The following MVB12B variants were observed in gnomAD, a reference collection of about 807,000 sequenced individuals.
MVB12B encodes the protein ESCRT-I complex subunit MVB12B.
Under a neutral mutation model 41.6 loss-of-function variants are expected in MVB12B, and 16 were observed. The ratio of observed to expected loss-of-function variants is 0.38; its 90% CI spans 0.26 to 0.58. The LOEUF (loss-of-function observed/expected upper bound fraction) is 0.58, where lower values mean the gene tolerates loss of function less well. Among genes scored for constraint, MVB12B ranks in the 20% least tolerant of loss-of-function variants. The probability of loss-of-function intolerance (pLI) is 0.62; values close to 1 mark genes in which losing one functional copy is unlikely to be tolerated. For synonymous variants in MVB12B, 133 were observed against 139.7 expected, an observed-to-expected ratio of 0.95 and a Z score of 0.34; for missense variants, 274 against 380.2, an observed-to-expected ratio of 0.72 and a Z score of 2.32.
At chr9:126,402,926 C>T (rs984255670) in intron 6 of MVB12B, among the ~76,000 whole-genome samples, 3 of 152,208 alleles carry the variant, frequency 2.0e-5, no homozygotes, top group African/African-American at 7.2e-5. Flanking sequence ...TGTGAATGAT[C>T]CCGCTGCGCA....
intron 2 of MVB12B, among the ~76,000 whole-genome samples, chr9:126,378,902 G>A (rs1227076146): frequency 1.3e-5 from 2 of 152,206 alleles, no homozygotes; most frequent in Non-Finnish European, 2.9e-5. Flanking sequence ...AGTTCTAGCA[G>A]TGTGGTGGGT....
intron 7 of MVB12B, among the ~76,000 whole-genome samples, chr9:126,463,467 C>T (rs920983499): frequency 6.6e-6 from 1 of 152,142 alleles, no homozygotes; most frequent in African/African-American, 2.4e-5. Flanking sequence ...AAGAGATGAC[C>T]TGGTTCGAAT....
intron 6 of MVB12B, chr9:126,397,673 A>G (rs973689726): frequency 1.0e-6 from 1 of 982,698 alleles, no homozygotes; most frequent in African/African-American, 1.7e-5. Context: ...TAGGATGCAC[A>G]CCTATGTAAG....
At chr9:126,435,813 G>A (rs1588170969) in intron 7 of MVB12B, among the ~76,000 whole-genome samples, 1 of 152,224 alleles carries the variant, frequency 6.6e-6, no homozygotes, top group South Asian at 2.1e-4. Context: ...TTTTCTCAGG[G>A]TTGGAGAGAG....
intron 2 of MVB12B, among the ~76,000 whole-genome samples, chr9:126,375,548 T>G (rs1263868397): frequency 6.6e-6 from 1 of 152,122 alleles, no homozygotes; most frequent in African/African-American, 2.4e-5. Context: ...TTCCTTTCCC[T>G]GTCTGGGCCT....
intron 9 of MVB12B, among the ~76,000 whole-genome samples, chr9:126,502,802 G>A (rs1403845195): frequency 6.6e-6 from 1 of 152,224 alleles, no homozygotes; most frequent in East Asian, 1.9e-4. Context: ...ACCAGCAGGG[G>A]CATGAAAACT....
chr9:126,399,454 A>T (rs573911155), intron 6 of MVB12B, among the ~76,000 whole-genome samples: 2 of 152,306 alleles, frequency 1.3e-5, no homozygotes, highest in South Asian at 4.1e-4. Flanking sequence ...AGCCTTGGGC[A>T]TGTGATCAGA....
chr9:126,341,044 A>C (rs1239444759), intron 2 of MVB12B, among the ~76,000 whole-genome samples: 1 of 152,194 alleles, frequency 6.6e-6, no homozygotes, highest in East Asian at 1.9e-4. Flanking sequence ...CCATGAACTC[A>C]TTTAGCTCTC....
rs1335133392 is a variant in MVB12B at position 126,478,647 on chromosome 9, A to AC, written c.758-2717dup. Among the ~76,000 whole-genome samples the AC allele has an allele frequency of 6.6e-6, 1 of 151,808 alleles. No homozygotes were observed. The highest frequency in any genetic ancestry group is 6.6e-5 in the Admixed American group (1 of 15,260). On this transcript the variant is annotated intron_variant, in intron 7 of 9. Transcript: ENST00000361171. The surrounding 1 kb of genome is among the most constrained non-coding windows in gnomAD (Gnocchi z 4.2). Reference sequence around the variant, plus strand: ...GCCAGGGCCTTCAATGCCAGTCGAGACCCCCATCTTGGAAATCCTGCCCTT... The same window carrying AC: ...GCCAGGGCCTTCAATGCCAGTCGAGACCCCCCATCTTGGAAATCCTGCCCTT...
At chr9:126,427,832 A>G (rs1017697710) in intron 7 of MVB12B, among the ~76,000 whole-genome samples, 2 of 152,184 alleles carry the variant, frequency 1.3e-5, no homozygotes, top group African/African-American at 4.8e-5. Flanking sequence ...TCATTTATCC[A>G]TCAGCATTAG....
intron 2 of MVB12B, among the ~76,000 whole-genome samples, chr9:126,378,569 T>C (rs7030429): frequency 1 from 151,562 of 152,222 alleles, 75,459 homozygotes; most frequent in Middle Eastern, 1. Flanking sequence ...CTCTGCCCAG[T>C]ACTGCCTTCC....
chr9:126,393,102 T>C (rs1037940956), intron 5 of MVB12B, among the ~76,000 whole-genome samples: 2 of 152,222 alleles, frequency 1.3e-5, no homozygotes, highest in Admixed American at 6.5e-5. Flanking sequence ...CCTGGCTCTG[T>C]TGCAGCTCCA....
At chr9:126,444,045 A>G (rs967319980) in intron 7 of MVB12B, among the ~76,000 whole-genome samples, 10 of 152,046 alleles carry the variant, frequency 6.6e-5, no homozygotes, top group Non-Finnish European at 2.9e-5. Context: ...CCAGGTGTCT[A>G]TTCTGCTTTG....
At chr9:126,408,085 A>G (rs2119045020) in intron 6 of MVB12B, 1 of 152,384 alleles carries the variant, frequency 6.6e-6, no homozygotes, top group East Asian at 1.9e-4. Context: ...ATTACTGTTA[A>G]TATCTTTCGG....
At chr9:126,412,406 C>T (rs1323679414) in intron 6 of MVB12B, among the ~76,000 whole-genome samples, 1 of 152,112 alleles carries the variant, frequency 6.6e-6, no homozygotes. Flanking sequence ...TCTTCTGCTG[C>T]CCCCACAATC....
chr9:126,436,315 T>C lies in MVB12B; in HGVS notation c.757+14367T>C, dbSNP rs1245724592. On this transcript the variant is annotated intron_variant, in intron 7 of 9. Coordinates refer to ENST00000361171, the MANE Select transcript of MVB12B (RefSeq NM_033446.3). This position sits in a 1 kb window ranked among gnomAD's most constrained non-coding sequence, Gnocchi z 4.1. ...AGAGTAAATTCTGTGCAGCCGCCTT[T>C]TAGGAACACTCTTAGGTTTTAATTG... 2.0e-5 allele frequency among the ~76,000 whole-genome samples: 3 copies of C among 152,292 alleles called. No individual in the cohort carries two copies. Among genetic ancestry groups the C allele is most frequent in the Non-Finnish European group, 4.4e-5 (3 of 68,020 alleles).
At chr9:126,338,283 C>T (rs993890472) in intron 1 of MVB12B, among the ~76,000 whole-genome samples, 6 of 152,228 alleles carry the variant, frequency 3.9e-5, no homozygotes, top group African/African-American at 1.4e-4. Flanking sequence ...CTGCCTCAGC[C>T]GGGGGCCGCC....
chr9:126,405,764 G>C (rs1295959022), intron 6 of MVB12B, among the ~76,000 whole-genome samples: 1 of 151,624 alleles, frequency 6.6e-6, no homozygotes, highest in Non-Finnish European at 1.5e-5. Flanking sequence ...AGTGGGTAGG[G>C]TAGAATTCAA....
chr9:126,396,865 C>T, intron 6 of MVB12B: 3 of 985,454 alleles, frequency 3.0e-6, no homozygotes, highest in Non-Finnish European at 3.6e-6. Flanking sequence ...GCAGGGTGAA[C>T]AGTTGAGTCT....
Sources: gnomAD v4.1 joint callset for allele counts (sites outside exome capture counted in the v4.1 genomes callset) on GRCh38, gnomAD v4.1.1 for gene constraint, Gnocchi (gnomAD v3.1) non-coding constraint, MANE v1.5 for transcripts, NCBI Gene and HGNC (gene_info 2026-07-23, HGNC 2026-07-21) for gene names.